The following MTMR9 variants were observed in gnomAD, a reference collection of about 807,000 sequenced individuals.
The protein encoded by MTMR9 is myotubularin related protein 9.
In MTMR9, 39 loss-of-function variants were observed where a neutral mutation model predicts 69.5. The observed-to-expected ratio is 0.56, with a 90% CI of 0.43 to 0.73. The LOEUF is 0.73. Among genes scored for constraint, MTMR9 ranks in the 30% least tolerant of loss-of-function variants. The pLI is 0.00. For missense variants in MTMR9, 900 were observed against 671.2 expected (o/e 1.34, Z -3.77); for synonymous variants, 354 against 240.8 (o/e 1.47, Z -4.35).
intron 2 of MTMR9, chr8:11,298,932 C>A: frequency 1.1e-6 from 1 of 928,926 alleles, no homozygotes; most frequent in East Asian, 1.2e-4. Context: ...GAATGGATCC[C>A]TGCAGCATGA....
At chr8:11,313,504 G>A (rs962171630) in intron 6 of MTMR9, among the ~76,000 whole-genome samples, 3 of 152,154 alleles carry the variant, frequency 2.0e-5, no homozygotes, top group African/African-American at 7.2e-5. Flanking sequence ...AGCTTTCGAC[G>A]TGCCTTCCTC....
intron 5 of MTMR9, 96 bp downstream of exon 5, chr8:11,306,503 T>C (rs17797443): frequency 0.41 from 439,185 of 1,080,686 alleles, 94,070 homozygotes; most frequent in East Asian, 0.68. Flanking sequence ...TCAAATTAAC[T>C]TCTGCATTAA....
At chr8:11,310,286 T>C (rs914926908) in intron 6 of MTMR9, among the ~76,000 whole-genome samples, 1 of 152,172 alleles carries the variant, frequency 6.6e-6, no homozygotes, top group Admixed American at 6.6e-5. Context: ...GGCAGAAGAC[T>C]TGAACAGAGG....
chr8:11,293,045 C>G (rs1401562135), intron 1 of MTMR9, among the ~76,000 whole-genome samples: 1 of 152,186 alleles, frequency 6.6e-6, no homozygotes, highest in East Asian at 1.9e-4. Context: ...GCAAGTCCTT[C>G]AAGAATTATC....
chr8:11,306,927 AG>A (rs1261059488), intron 5 of MTMR9, among the ~76,000 whole-genome samples: 1 of 152,018 alleles, frequency 6.6e-6, no homozygotes, highest in Non-Finnish European at 1.5e-5. Flanking sequence ...TGTTTCTATG[AG>A]TTTAACTTGT....
chr8:11,286,329 G>C (rs1047275396), intron 1 of MTMR9, among the ~76,000 whole-genome samples: 1 of 151,726 alleles, frequency 6.6e-6, no homozygotes, highest in South Asian at 2.1e-4. Context: ...GATATGAGCA[G>C]GGGGCTCTTA....
chr8:11,316,628 T>G lies in MTMR9; in HGVS notation c.1114-45T>G, dbSNP rs112000521. On this transcript the variant is annotated intron_variant, in intron 7 of 9. Transcript: ENST00000221086. ...GGTGTCGGTAGAATGCTCTGTCATGTGATCTCACCAGGATATGACTGTCAC... is the reference window on the plus strand; with the variant it reads ...GGTGTCGGTAGAATGCTCTGTCATGGGATCTCACCAGGATATGACTGTCAC... The G allele has an allele frequency of 5.3e-5, 71 of 1,335,372 alleles. 1 individual carries two copies. Among genetic ancestry groups the G allele is most frequent in the African/African-American group, 5.0e-4 (34 of 68,028 alleles). The allele number at this position is 1,335,372 out of a possible 1,614,324, so 82.7% of individuals were successfully genotyped here.
downstream of MTMR9, chr8:11,331,456 G>A (rs182459214): frequency 1.9e-5 from 31 of 1,614,002 alleles, no homozygotes; most frequent in East Asian, 6.5e-4. Flanking sequence ...AGCATTGGAT[G>A]TGCCTACAGT....
chr8:11,334,403 C>T, the MTMR9 span, among the ~76,000 whole-genome samples: 1 of 152,098 alleles, frequency 6.6e-6, no homozygotes, highest in Non-Finnish European at 1.5e-5. Flanking sequence ...TATAGGCATA[C>T]GTTTTTCTAT....
chr8:11,295,256 A>G lies in MTMR9; in HGVS notation c.245A>G (p.Asp82Gly), dbSNP rs763241311. ...KCKDFRIIQL[D>G]IPGMEECLNI... Reference sequence around the variant, plus strand: ...AAAGATTTTCGAATTATTCAGTTGGATATTCCTGGAATGGAGGAATGCTTG... The same window carrying G: ...AAAGATTTTCGAATTATTCAGTTGGGTATTCCTGGAATGGAGGAATGCTTG... The change falls in exon 2 of 10, where the codon GAT becomes GGT. Residue 82 changes from aspartate to glycine, a missense_variant. Transcript: ENST00000221086. 1.2e-6 allele frequency: 2 copies of G among 1,611,608 alleles called. No individual in the cohort carries two copies. Among genetic ancestry groups the G allele is most frequent in the Non-Finnish European group, 1.7e-6 (2 of 1,178,288 alleles).
At chr8:11,332,304 C>T, downstream of MTMR9, 7 of 1,081,498 alleles carry the variant, frequency 6.5e-6, no homozygotes, top group Non-Finnish European at 7.5e-6. Context: ...TATCACAAAG[C>T]ATGCAAACAA....
Position 11,321,710 on chromosome 8 carries a change from A to G in MTMR9, c.1487-915A>G, listed in dbSNP as rs184518202. 7.6e-3 allele frequency: 2,253 copies of G among 297,898 alleles called. 13 individuals are homozygous for G. The highest frequency in any genetic ancestry group is 9.9e-3 in the Non-Finnish European group (1,466 of 148,406). 18.5% of individuals were successfully genotyped at this position (297,898 alleles called of 1,614,324 possible). The stretch of plus-strand genomic sequence containing the variant: ...TCTCTCTGCTGTTTACATTTACATC[A>G]CAGCTAACCATTAATATTTAGAAAT... On this transcript the variant is annotated intron_variant, in intron 9 of 9. Coordinates refer to ENST00000221086, the MANE Select transcript of MTMR9 (RefSeq NM_015458.4).
chr8:11,333,184 C>CA, the MTMR9 span, among the ~76,000 whole-genome samples: 1 of 152,072 alleles, frequency 6.6e-6, no homozygotes, highest in South Asian at 2.1e-4. Context: ...ACCATAAACT[C>CA]AAAGAGATTC....
downstream of MTMR9, chr8:11,331,439 C>T (rs769673349): frequency 1.2e-5 from 19 of 1,613,902 alleles, no homozygotes; most frequent in Middle Eastern, 4.9e-4. Context: ...CCCTGCTCAA[C>T]GTCCTCAGCA....
Position 11,304,851 on chromosome 8 carries a change from G to A in MTMR9, c.428G>A (p.Trp143Ter), listed in dbSNP as rs757483621. 3.1e-6 allele frequency: 5 copies of A among 1,613,730 alleles called. No homozygotes were observed. Among genetic ancestry groups the A allele is most frequent in the Non-Finnish European group, 4.2e-6 (5 of 1,179,788 alleles). The change falls in exon 4 of 10, where the codon TGG (tryptophan) becomes TAG (stop). Residue 143 changes from tryptophan (W) to a stop codon, truncating the protein, a stop_gained. Coordinates refer to ENST00000221086, the MANE Select transcript of MTMR9 (RefSeq NM_015458.4). LOFTEE classifies it high-confidence loss of function. The stretch of plus-strand genomic sequence containing the variant: ...TTTTGTGTTTTTCAGACCAGTGAAT[G>A]GAGGCTAAGCTATGTCAATAAGGAA... ...FELYSSATSE[W>*]RLSYVNKEFA...
the MTMR9 span, among the ~76,000 whole-genome samples, chr8:11,334,167 T>C: frequency 7.2e-5 from 11 of 152,208 alleles, no homozygotes; most frequent in Admixed American, 1.3e-4. Context: ...TGTATATAAA[T>C]TATCCAGTTT....
chr8:11,331,725 C>A (rs540632334), downstream of MTMR9: 4 of 1,611,930 alleles, frequency 2.5e-6, no homozygotes, highest in East Asian at 2.2e-5. Flanking sequence ...GTCCCTGGGG[C>A]TTCTGGTCTA....
chr8:11,290,862 CG>C (rs1642038238), intron 1 of MTMR9, among the ~76,000 whole-genome samples: 1 of 132,890 alleles, frequency 7.5e-6, no homozygotes, highest in Non-Finnish European at 1.6e-5. Context: ...GCCCCGCTTT[CG>C]TTTTTTTTTT....
Position 11,327,777 on chromosome 8 carries a change from G to T in MTMR9, c.*4989G>T, listed in dbSNP as rs1014070776. 1.3e-5 allele frequency: 2 copies of T among 152,532 alleles called. No individual in the cohort carries two copies. 9.4% of individuals were successfully genotyped at this position (152,532 alleles called of 1,614,324 possible). On this transcript the variant is annotated 3_prime_UTR_variant, in exon 10 of 10. Coordinates refer to ENST00000221086, the MANE Select transcript of MTMR9 (RefSeq NM_015458.4). Reference sequence around the variant, plus strand: ...TATGCTTTGCTGAAACCTCAAGAGTGCTGTAAGGTACAGGTTTCCATATTG... The same window carrying T: ...TATGCTTTGCTGAAACCTCAAGAGTTCTGTAAGGTACAGGTTTCCATATTG...
Sources: gnomAD v4.1 joint callset for allele counts (sites outside exome capture counted in the v4.1 genomes callset) on GRCh38, gnomAD v4.1.1 for gene constraint, MANE v1.5 for transcripts, NCBI Gene and HGNC (gene_info 2026-07-23, HGNC 2026-07-21) for gene names.